Variants in TBX4 observed in about 807,000 individuals in gnomAD.
The protein encoded by TBX4 is T-box transcription factor TBX4.
A neutral mutation model predicts 54.6 loss-of-function variants in TBX4; 13 were observed. The observed-to-expected ratio is 0.24, with a 90% CI of 0.15 to 0.38. The LOEUF is 0.38. TBX4 is among the 10% of genes least tolerant of loss of function. The pLI, the probability that TBX4 is intolerant of heterozygous loss-of-function variation, is 1.00. For missense variants in TBX4, 631 were observed against 728.5 expected (o/e 0.87, Z 1.54); for synonymous variants, 314 against 306.7 (o/e 1.02, Z -0.25).
chr17:61,478,829 G>C lies in TBX4; in HGVS notation c.702+50G>C. 1.2e-6 allele frequency: 2 copies of C among 1,613,470 alleles called. No homozygotes were observed. The highest frequency in any genetic ancestry group is 8.5e-7 in the Non-Finnish European group (1 of 1,179,546). ...ACAGCCCCACTTAACACCACCCTGC[G>C]TTCTCTTCCACCAGGCAGAGAGGCA... On this transcript the variant is annotated intron_variant, in intron 6 of 8. Transcript: ENST00000644296. The surrounding 1 kb of genome is among the most constrained non-coding windows in gnomAD (Gnocchi z 7.4).
Position 61,462,215 on chromosome 17 carries a change from G to A in TBX4, c.282-3604G>A, listed in dbSNP as rs919321010. Among the ~76,000 whole-genome samples the A allele has an allele frequency of 2.6e-5, 4 of 152,166 alleles. No individual in the cohort carries two copies. Among genetic ancestry groups the A allele is most frequent in the Non-Finnish European group, 5.9e-5 (4 of 68,042 alleles). ...CCATTTCCGAGTATGAATAGATAAA[G>A]GCTCCAGCTCCGCACCCTTTCAGAG... On this transcript the variant is annotated intron_variant, in intron 3 of 8. Transcript: ENST00000644296. The surrounding 1 kb of genome is among the most constrained non-coding windows in gnomAD (Gnocchi z 4.5).
In TBX4 at chr17:61,465,788, C is replaced by T; in HGVS notation, c.282-31C>T. On this transcript the variant is annotated intron_variant, in intron 3 of 8. Coordinates refer to ENST00000644296, the MANE Select transcript of TBX4 (RefSeq NM_001321120.2). This position sits in a 1 kb window ranked among gnomAD's most constrained non-coding sequence, Gnocchi z 4.9. Reference sequence around the variant, plus strand: ...TCCATCTCTCCTGGTGCTCTGTCCACACGCTCCGCCTCACCCCTCGGCTCC... The same window carrying T: ...TCCATCTCTCCTGGTGCTCTGTCCATACGCTCCGCCTCACCCCTCGGCTCC... 6.2e-7 allele frequency: 1 copy of T among 1,613,344 alleles called. No homozygotes were observed. Among genetic ancestry groups the T allele is most frequent in the Non-Finnish European group, 8.5e-7 (1 of 1,179,538 alleles).
chr17:61,467,808 C>T (rs1168667513), intron 5 of TBX4, 151 bp downstream of exon 5: 1 of 955,272 alleles, frequency 1.0e-6, no homozygotes, highest in African/African-American at 1.6e-5. Flanking sequence ...GCTCAAGCCT[C>T]TGAGGCCTGC....
intron 5 of TBX4, among the ~76,000 whole-genome samples, chr17:61,471,814 C>T (rs1388634973): frequency 6.6e-6 from 1 of 151,940 alleles, no homozygotes; most frequent in Non-Finnish European, 1.5e-5. Flanking sequence ...CAGCCTCCAC[C>T]TCCCGGGTTC....
intron 1 of TBX4, among the ~76,000 whole-genome samples, chr17:61,455,134 G>GT (rs1217526044): frequency 6.6e-6 from 1 of 152,204 alleles, no homozygotes; most frequent in East Asian, 1.9e-4. Context: ...ATCTTTATGG[G>GT]TTTTTCCCAA....
At position 61,480,090 on chromosome 17, in the gene TBX4, C is replaced by T. The variant is rs2060652736; in HGVS notation, c.792C>T (p.Ser264=). The part of the protein sequence containing the change: ...DSDLRVARLQ[S]KEYPVISKSI... ...CCTCCTGTCCTCCCCACCCCTTCAGCAAAGAATACCCCGTGATTTCCAAAA... is the reference window on the plus strand; with the variant it reads ...CCTCCTGTCCTCCCCACCCCTTCAGTAAAGAATACCCCGTGATTTCCAAAA... The change falls in exon 8 of 9, where the codon AGC becomes AGT. Residue 264 remains serine (S), a splice_region_variant and synonymous_variant. Transcript: ENST00000644296. The surrounding 1 kb of genome is among the most constrained non-coding windows in gnomAD (Gnocchi z 6.2). 1.7e-5 allele frequency: 28 copies of T among 1,613,882 alleles called. No homozygotes were observed. Among genetic ancestry groups the T allele is most frequent in the African/African-American group, 4.0e-5 (3 of 74,870 alleles).
rs1039788290 is a variant in TBX4, at chr17:61,483,911, C to G, written c.*395C>G. ...GTTCTCTCCCATGGGGAAAGATTCT[C>G]ACTGCTGGGGTGGGAAGATTCTCGC... On this transcript the variant is annotated 3_prime_UTR_variant, in exon 9 of 9. Coordinates refer to ENST00000644296, the MANE Select transcript of TBX4 (RefSeq NM_001321120.2). This position sits in a 1 kb window ranked among gnomAD's most constrained non-coding sequence, Gnocchi z 6.6. 3.7e-6 allele frequency: 1 copy of G among 271,842 alleles called. No individual in the cohort carries two copies. The highest frequency in any genetic ancestry group is 2.2e-5 in the African/African-American group (1 of 45,176). 16.8% of individuals were successfully genotyped at this position (271,842 alleles called of 1,614,324 possible).
intron 1 of TBX4, among the ~76,000 whole-genome samples, 164 bp downstream of exon 1, chr17:61,452,741 G>A (rs927546732): frequency 6.6e-6 from 1 of 152,210 alleles, no homozygotes; most frequent in Non-Finnish European, 1.5e-5. Flanking sequence ...GCAGGAAGGC[G>A]GCGCGAAGTG....
rs1044188376 is a variant in TBX4, at chr17:61,478,391, G to A, written c.550-236G>A. On this transcript the variant is annotated intron_variant, in intron 5 of 8. Coordinates refer to ENST00000644296, the MANE Select transcript of TBX4 (RefSeq NM_001321120.2). The surrounding 1 kb of genome is among the most constrained non-coding windows in gnomAD (Gnocchi z 7.4). ...GAATCAACTGGTCACATCAAGGAGGGCCTGGAGCTGGGCATTAGTGCTGGT... is the reference window on the plus strand; with the variant it reads ...GAATCAACTGGTCACATCAAGGAGGACCTGGAGCTGGGCATTAGTGCTGGT... 5 of 585,994 alleles carry A rather than the reference G, an allele frequency of 8.5e-6. No homozygotes were observed. Among genetic ancestry groups the A allele is most frequent in the African/African-American group, 1.9e-5 (1 of 53,452 alleles). 36.3% of individuals were successfully genotyped at this position (585,994 alleles called of 1,614,324 possible). A position where few individuals can be genotyped will look rare whatever the true frequency, so the allele number is the denominator to read the frequency against.
rs545279657 is a variant in TBX4, at chr17:61,464,824, T to A, written c.282-995T>A. The stretch of plus-strand genomic sequence containing the variant: ...GGGTGTGCGGAAGCCCCCTCTAGAA[T>A]GTGCCTCGAACCTCAGGGCCCTTGA... On this transcript the variant is annotated intron_variant, in intron 3 of 8. Coordinates refer to ENST00000644296, the MANE Select transcript of TBX4 (RefSeq NM_001321120.2). This position sits in a 1 kb window ranked among gnomAD's most constrained non-coding sequence, Gnocchi z 5.8. Among the ~76,000 whole-genome samples the A allele has an allele frequency of 1.1e-3, 166 of 152,300 alleles. No individual in the cohort carries two copies. Among genetic ancestry groups the A allele is most frequent in the African/African-American group, 3.8e-3 (157 of 41,562 alleles).
In TBX4 at chr17:61,462,943, A is replaced by G. The variant is rs1001938807; in HGVS notation, c.282-2876A>G. The stretch of plus-strand genomic sequence containing the variant: ...CCCCCAAGTCAGGCGTCTAGGCACC[A>G]ACTTTAGTCCCTTCAAGAACCCAAG... On this transcript the variant is annotated intron_variant, in intron 3 of 8. Coordinates refer to ENST00000644296, the MANE Select transcript of TBX4 (RefSeq NM_001321120.2). This position sits in a 1 kb window ranked among gnomAD's most constrained non-coding sequence, Gnocchi z 4.5. The G allele has an allele frequency of 1.3e-5, 2 of 152,306 alleles. No individual in the cohort carries two copies. The highest frequency in any genetic ancestry group is 2.4e-5 in the African/African-American group (1 of 41,478). The allele number at this position is 152,306 out of a possible 1,614,324, so 9.4% of individuals were successfully genotyped here.
chr17:61,455,806 G>T (rs2060443786), intron 1 of TBX4, among the ~76,000 whole-genome samples: 1 of 152,218 alleles, frequency 6.6e-6, no homozygotes, highest in Non-Finnish European at 1.5e-5. Context: ...TCAGGCTGGT[G>T]GGATGCTGTG....
At chr17:61,454,662 C>T (rs978060289) in intron 1 of TBX4, among the ~76,000 whole-genome samples, 2 of 152,252 alleles carry the variant, frequency 1.3e-5, no homozygotes, top group African/African-American at 4.8e-5. Flanking sequence ...AGGCCTCGTC[C>T]CCAGTCCGAG....
At chr17:61,482,843 C>T (rs1299004197) in intron 8 of TBX4, 54 bp from the exon 9 acceptor site, 1 of 1,603,830 alleles carries the variant, frequency 6.2e-7, no homozygotes, top group African/African-American at 1.3e-5. Context: ...ACAGGGTGCT[C>T]TGGGGCCTGG....
Position 61,475,246 on chromosome 17 carries a change from T to A in TBX4, c.550-3381T>A, listed in dbSNP as rs1221489747. Among the ~76,000 whole-genome samples, 1 of 152,138 alleles carries A rather than the reference T, an allele frequency of 6.6e-6. No homozygotes were observed. On this transcript the variant is annotated intron_variant, in intron 5 of 8. Transcript: ENST00000644296. The surrounding 1 kb of genome is among the most constrained non-coding windows in gnomAD (Gnocchi z 5.0). ...GGACTTTGTCTGACGGGCTAAGGAGTTTGGCCTTTATTCCAAGGGTCAAGA... is the reference window on the plus strand; with the variant it reads ...GGACTTTGTCTGACGGGCTAAGGAGATTGGCCTTTATTCCAAGGGTCAAGA...
chr17:61,473,928 G>C (rs972340510), intron 5 of TBX4, among the ~76,000 whole-genome samples: 1 of 152,226 alleles, frequency 6.6e-6, no homozygotes, highest in African/African-American at 2.4e-5. Flanking sequence ...CCCCAGTGTT[G>C]CTCGCATGGG....
Position 61,464,971 on chromosome 17 carries a change from C to G in TBX4, c.282-848C>G, listed in dbSNP as rs1174582005. On this transcript the variant is annotated intron_variant, in intron 3 of 8. Coordinates refer to ENST00000644296, the MANE Select transcript of TBX4 (RefSeq NM_001321120.2). This position sits in a 1 kb window ranked among gnomAD's most constrained non-coding sequence, Gnocchi z 5.8. ...CTGAGGGAGGAGTGCAGCAGGGGTCCGTGGTAATTCACGCAGCAATCTATG... is the reference window on the plus strand; with the variant it reads ...CTGAGGGAGGAGTGCAGCAGGGGTCGGTGGTAATTCACGCAGCAATCTATG... Among the ~76,000 whole-genome samples the G allele has an allele frequency of 2.0e-5, 3 of 152,074 alleles. No individual in the cohort carries two copies. The highest frequency in any genetic ancestry group is 7.2e-5 in the African/African-American group (3 of 41,388).
At chr17:61,482,602 A>G (rs1018647864) in intron 8 of TBX4, among the ~76,000 whole-genome samples, 16 of 152,190 alleles carry the variant, frequency 1.1e-4, no homozygotes, top group African/African-American at 3.6e-4. Context: ...CTCACTCTGC[A>G]AGAGTCAGGC....
Position 61,459,082 on chromosome 17 carries a change from G to A in TBX4, c.281+1451G>A, listed in dbSNP as rs558601476. Among the ~76,000 whole-genome samples, 2 of 152,384 alleles carry A rather than the reference G, an allele frequency of 1.3e-5. No homozygotes were observed. The highest frequency in any genetic ancestry group is 1.9e-4 in the East Asian group (1 of 5,190). ...GGAGAGAAAGTAGGTTTAGTTTAGG[G>A]CTTGAGCTTGCTGTATTTTGGGGAT... On this transcript the variant is annotated intron_variant, in intron 3 of 8. Coordinates refer to ENST00000644296, the MANE Select transcript of TBX4 (RefSeq NM_001321120.2). This position sits in a 1 kb window ranked among gnomAD's most constrained non-coding sequence, Gnocchi z 4.8.
Sources: allele counts gnomAD v4.1 joint callset (sites outside exome capture counted in the v4.1 genomes callset), GRCh38; gene constraint gnomAD v4.1.1; non-coding constraint Gnocchi (gnomAD v3.1); transcripts MANE v1.5; gene names NCBI Gene and HGNC (gene_info 2026-07-23, HGNC 2026-07-21).